Variants in SLC35F4 observed in about 807,000 individuals in gnomAD.
SLC35F4 encodes chromosome 14 open reading frame 36.
SLC35F4 carries 24 observed loss-of-function variants against 44.2 expected under a neutral mutation model. That is an observed-to-expected ratio of 0.54 (90% CI 0.39 to 0.76). SLC35F4 has a LOEUF of 0.76. Among genes scored for constraint, SLC35F4 ranks in the 30% least tolerant of loss-of-function variants. The pLI, the probability that SLC35F4 is intolerant of heterozygous loss-of-function variation, is 0.00. For synonymous variants in SLC35F4, 238 were observed against 223.6 expected (o/e 1.06, Z -0.57); for missense variants, 562 against 586.1 (o/e 0.96, Z 0.42).
intron 1 of SLC35F4, among the ~76,000 whole-genome samples, chr14:57,771,332 T>C (rs966681225): frequency 6.6e-6 from 1 of 152,186 alleles, no homozygotes; most frequent in African/African-American, 2.4e-5. Flanking sequence ...CAAATTTCTC[T>C]GCCTTCCATC....
At chr14:57,759,309 G>A (rs917104150) in intron 1 of SLC35F4, among the ~76,000 whole-genome samples, 1 of 152,170 alleles carries the variant, frequency 6.6e-6, no homozygotes, top group African/African-American at 2.4e-5. Flanking sequence ...GCTGGGCATG[G>A]TGGCTCACAT....
At chr14:57,654,927 C>T (rs12890287) in intron 1 of SLC35F4, among the ~76,000 whole-genome samples, 25,557 of 152,046 alleles carry the variant, frequency 0.17, 2,946 homozygotes, top group African/African-American at 0.33. Context: ...TTTAAAGGTA[C>T]GCTGACGAAG....
At chr14:57,746,670 T>G (rs114379321) in intron 1 of SLC35F4, among the ~76,000 whole-genome samples, 1 of 152,156 alleles carries the variant, frequency 6.6e-6, no homozygotes, top group East Asian at 1.9e-4. Context: ...AATGACAAAT[T>G]GTAGTGATTC....
intron 1 of SLC35F4, among the ~76,000 whole-genome samples, chr14:57,734,966 G>A (rs1045051374): frequency 6.6e-6 from 1 of 152,016 alleles, no homozygotes; most frequent in Non-Finnish European, 1.5e-5. Flanking sequence ...TCCCAGTTAG[G>A]AAAAATTTTA....
At chr14:57,651,124 A>G (rs2073768525) in intron 1 of SLC35F4, among the ~76,000 whole-genome samples, 3 of 152,140 alleles carry the variant, frequency 2.0e-5, no homozygotes, top group Non-Finnish European at 4.4e-5. Context: ...TCCCATTAGG[A>G]TATAAACTCA....
chr14:57,914,589 C>T (rs1205097831), intron 1 of SLC35F4, among the ~76,000 whole-genome samples: 1 of 152,004 alleles, frequency 6.6e-6, no homozygotes, highest in Admixed American at 6.6e-5. Context: ...AAACCACAGT[C>T]TCTCAATAAC....
chr14:57,580,710 C>T (rs2069183646), intron 4 of SLC35F4, among the ~76,000 whole-genome samples: 1 of 152,050 alleles, frequency 6.6e-6, no homozygotes, highest in Admixed American at 6.6e-5. Context: ...ATTAGTCACA[C>T]TAGATATATA....
At chr14:57,615,228 A>C (rs969680790) in intron 1 of SLC35F4, among the ~76,000 whole-genome samples, 3 of 152,242 alleles carry the variant, frequency 2.0e-5, no homozygotes, top group African/African-American at 7.2e-5. Context: ...TCACTAAGAA[A>C]GGGTTTCTCA....
chr14:57,890,771 CTG>C (rs953597265), intron 1 of SLC35F4, among the ~76,000 whole-genome samples: 1 of 152,014 alleles, frequency 6.6e-6, no homozygotes, highest in Non-Finnish European at 1.5e-5. Context: ...AGGCATAAAA[CTG>C]AGGGAAAGGG....
intron 1 of SLC35F4, among the ~76,000 whole-genome samples, chr14:57,886,951 G>GAGTAGC (rs1888662787): frequency 6.6e-6 from 1 of 152,168 alleles, no homozygotes; most frequent in African/African-American, 2.4e-5. Context: ...AGACACCTAA[G>GAGTAGC]AGTAGCACTA....
intron 1 of SLC35F4, among the ~76,000 whole-genome samples, chr14:57,831,026 T>C (rs1252661140): frequency 6.6e-6 from 1 of 152,158 alleles, no homozygotes; most frequent in African/African-American, 2.4e-5. Flanking sequence ...GGACATGGTA[T>C]GCATGCTCTG....
At chr14:57,826,568 C>G (rs963790237) in intron 1 of SLC35F4, among the ~76,000 whole-genome samples, 1 of 151,738 alleles carries the variant, frequency 6.6e-6, no homozygotes, top group Admixed American at 6.6e-5. Context: ...TCAGAGTAAA[C>G]AGACAACCTA....
intron 1 of SLC35F4, among the ~76,000 whole-genome samples, chr14:57,784,012 T>A (rs1405172317): frequency 6.6e-6 from 1 of 152,194 alleles, no homozygotes; most frequent in Non-Finnish European, 1.5e-5. Flanking sequence ...GAAAAAACTG[T>A]CTGATGTTTT....
At chr14:57,574,890 T>C (rs1358485247) in intron 4 of SLC35F4, among the ~76,000 whole-genome samples, 1 of 152,174 alleles carries the variant, frequency 6.6e-6, no homozygotes, top group Admixed American at 6.5e-5. Flanking sequence ...GAGGGATTAA[T>C]ACTCTGTTCT....
At chr14:57,744,333 T>C (rs1353813669) in intron 1 of SLC35F4, among the ~76,000 whole-genome samples, 1 of 152,212 alleles carries the variant, frequency 6.6e-6, no homozygotes, top group Non-Finnish European at 1.5e-5. Context: ...AACCCCTTTG[T>C]CTCAGCCCAA....
At chr14:57,754,468 G>A (rs2076952793) in intron 1 of SLC35F4, among the ~76,000 whole-genome samples, 1 of 152,104 alleles carries the variant, frequency 6.6e-6, no homozygotes. Flanking sequence ...TTCCTGTGAG[G>A]TTTATCACCC....
At chr14:57,890,259 T>G (rs563631530) in intron 1 of SLC35F4, among the ~76,000 whole-genome samples, 1 of 152,218 alleles carries the variant, frequency 6.6e-6, no homozygotes, top group East Asian at 1.9e-4. Context: ...ACAAACAAGA[T>G]CAGGTGACCA....
At chr14:57,676,340 A>G (rs2074691963) in intron 1 of SLC35F4, among the ~76,000 whole-genome samples, 1 of 152,122 alleles carries the variant, frequency 6.6e-6, no homozygotes, top group African/African-American at 2.4e-5. Context: ...ACGGAAAACC[A>G]AACACCACAT....
intron 1 of SLC35F4, among the ~76,000 whole-genome samples, chr14:57,954,939 C>T (rs116321026): frequency 0.087 from 11,326 of 130,810 alleles, 525 homozygotes; most frequent in African/African-American, 0.12. Context: ...AGGCCAGCAT[C>T]ATCCTGATTA....
Sources: gnomAD v4.1 joint callset for allele counts (sites outside exome capture counted in the v4.1 genomes callset) on GRCh38, gnomAD v4.1.1 for gene constraint, MANE v1.5 for transcripts, NCBI Gene and HGNC (gene_info 2026-07-23, HGNC 2026-07-21) for gene names.